The following PPARD variants were observed in gnomAD, a reference collection of about 807,000 sequenced individuals.
The protein encoded by PPARD is peroxisome proliferator activated receptor delta, also known as peroxisome proliferator-activated receptor delta.
PPARD carries 6 observed loss-of-function variants against 39.5 expected under a neutral mutation model. That is an observed-to-expected ratio of 0.15 (90% CI 0.08 to 0.30). PPARD has a LOEUF of 0.30. Ranked by LOEUF, PPARD falls within the 10% of genes least tolerant of loss-of-function variation. The probability of loss-of-function intolerance (pLI) is 1.00; values close to 1 mark genes in which losing one functional copy is unlikely to be tolerated. For missense variants in PPARD, 397 were observed against 596.8 expected, an observed-to-expected ratio of 0.67 and a Z score of 3.49; for synonymous variants, 210 against 231.3, an observed-to-expected ratio of 0.91 and a Z score of 0.83.
At chr6:35,414,243 T>C (rs892403035) in intron 3 of PPARD, among the ~76,000 whole-genome samples, 3 of 152,126 alleles carry the variant, frequency 2.0e-5, no homozygotes, top group Non-Finnish European at 4.4e-5. Context: ...GGGGATCCCA[T>C]TGTTTAAAAT....
At chr6:35,379,977 G>T (rs1449949709) in intron 2 of PPARD, among the ~76,000 whole-genome samples, 1 of 152,220 alleles carries the variant, frequency 6.6e-6, no homozygotes, top group Non-Finnish European at 1.5e-5. Flanking sequence ...GGTTTGTCCT[G>T]TGGAGTCTCA....
intron 2 of PPARD, among the ~76,000 whole-genome samples, chr6:35,354,126 G>A (rs1562169492): frequency 6.6e-6 from 1 of 151,260 alleles, no homozygotes; most frequent in Non-Finnish European, 1.5e-5. Context: ...CAGCTACTTG[G>A]GAGGCTGAGG....
At chr6:35,378,427 A>G (rs1245766652) in intron 2 of PPARD, among the ~76,000 whole-genome samples, 1 of 152,156 alleles carries the variant, frequency 6.6e-6, no homozygotes, top group African/African-American at 2.4e-5. Context: ...GCTGGGACAC[A>G]AGGTAACAAT....
intron 2 of PPARD, among the ~76,000 whole-genome samples, chr6:35,409,629 G>A (rs537779409): frequency 1.1e-4 from 17 of 152,148 alleles, no homozygotes; most frequent in African/African-American, 1.9e-4. Context: ...TGTCACAGGC[G>A]TTTATTATAC....
chr6:35,366,002 A>T lies in PPARD; in HGVS notation c.-102+18852A>T, dbSNP rs1477474851. Among the ~76,000 whole-genome samples, 2 of 151,732 alleles carry T rather than the reference A, an allele frequency of 1.3e-5. No homozygotes were observed. The highest frequency in any genetic ancestry group is 2.9e-5 in the Non-Finnish European group (2 of 68,024). On this transcript the variant is annotated intron_variant, in intron 2 of 7. Coordinates refer to ENST00000360694, the MANE Select transcript of PPARD (RefSeq NM_006238.5). The surrounding 1 kb of genome is among the most constrained non-coding windows in gnomAD (Gnocchi z 4.6). ...CAGGGTGAGTGAGCGCTGGTATCTG[A>T]GTGGGCCTTGCAGGCCTGGCAGAAT...
intron 2 of PPARD, among the ~76,000 whole-genome samples, chr6:35,348,082 A>G (rs1760991006): frequency 6.6e-6 from 1 of 151,110 alleles, no homozygotes; most frequent in Non-Finnish European, 1.5e-5. Context: ...TAAATTTTGT[A>G]TTTTTAGTAG....
chr6:35,385,746 A>G (rs6922548), intron 2 of PPARD, among the ~76,000 whole-genome samples: 34,561 of 151,342 alleles, frequency 0.23, 8,730 homozygotes, highest in African/African-American at 0.63. Flanking sequence ...AACGCATTAT[A>G]AGGCCCCTGC....
chr6:35,372,540 G>A (rs1316539637), intron 2 of PPARD, among the ~76,000 whole-genome samples: 2 of 152,188 alleles, frequency 1.3e-5, no homozygotes, highest in Non-Finnish European at 2.9e-5. Context: ...CCTATACTTG[G>A]AGGATCCCAA....
chr6:35,377,855 C>T (rs1762901866), intron 2 of PPARD, among the ~76,000 whole-genome samples: 1 of 123,266 alleles, frequency 8.1e-6, no homozygotes, highest in South Asian at 2.4e-4. Context: ...CTGTGGGTCG[C>T]TGCTTGTTTA....
intron 3 of PPARD, 122 bp downstream of exon 3, chr6:35,411,339 A>G (rs1160975926): frequency 2.4e-6 from 3 of 1,236,180 alleles, no homozygotes; most frequent in Non-Finnish European, 3.1e-6. Flanking sequence ...GAAGGACTGG[A>G]GCCGGAAGCC....
chr6:35,353,044 A>C (rs1761356267), intron 2 of PPARD, among the ~76,000 whole-genome samples: 1 of 152,186 alleles, frequency 6.6e-6, no homozygotes, highest in South Asian at 2.1e-4. Context: ...CAGCATCCTT[A>C]TGTGAGGTAA....
At chr6:35,418,157 A>G (rs951307320) in intron 3 of PPARD, among the ~76,000 whole-genome samples, 3 of 152,222 alleles carry the variant, frequency 2.0e-5, no homozygotes, top group African/African-American at 7.2e-5. Context: ...TGCAGGCCAC[A>G]AAGACAAAAT....
chr6:35,372,325 C>T (rs558221583), intron 2 of PPARD, among the ~76,000 whole-genome samples: 23 of 152,152 alleles, frequency 1.5e-4, no homozygotes, highest in Non-Finnish European at 2.6e-4. Context: ...TTACAGGCTC[C>T]CGCCACCATG....
chr6:35,420,273 G>A lies in PPARD; in HGVS notation c.277G>A (p.Gly93Arg), dbSNP rs1766058418. Reference sequence around the variant, plus strand: ...CCACTACGGTGTTCATGCATGTGAGGGGTGCAAGGTACGGACTGGGGGGAG... The same window carrying A: ...CCACTACGGTGTTCATGCATGTGAGAGGTGCAAGGTACGGACTGGGGGGAG... ...GFHYGVHACE[G>R]CKGFFRRTIR... is the part of the protein sequence containing the mutation. Residue 93 changes from glycine (G) to arginine (R), a missense_variant, in exon 4 of 8, where the codon GGG (glycine) becomes AGG (arginine). Coordinates refer to ENST00000360694, the MANE Select transcript of PPARD (RefSeq NM_006238.5). 1 of 1,577,308 alleles carries A rather than the reference G, an allele frequency of 6.3e-7. No homozygotes were observed. The highest frequency in any genetic ancestry group is 8.6e-7 in the Non-Finnish European group (1 of 1,160,620).
chr6:35,412,777 C>T lies in PPARD; in HGVS notation c.130+1560C>T, dbSNP rs1019379344. Among the ~76,000 whole-genome samples, 1 of 152,284 alleles carries T rather than the reference C, an allele frequency of 6.6e-6. No homozygotes were observed. Among genetic ancestry groups the T allele is most frequent in the Non-Finnish European group, 1.5e-5 (1 of 68,024 alleles). On this transcript the variant is annotated intron_variant, in intron 3 of 7. Coordinates refer to ENST00000360694, the MANE Select transcript of PPARD (RefSeq NM_006238.5). The surrounding 1 kb of genome is among the most constrained non-coding windows in gnomAD (Gnocchi z 4.1). ...CAAAGTGAAGGTGTCCGCCATTCCC[C>T]GAGTAAGCAACTTCCTGTCTATTGG...
intron 2 of PPARD, among the ~76,000 whole-genome samples, chr6:35,376,550 G>A (rs1762824766): frequency 6.6e-6 from 1 of 152,034 alleles, no homozygotes. Flanking sequence ...TGAGACTTGG[G>A]TCCTGAATTA....
In PPARD at chr6:35,376,374, A is replaced by C. The variant is rs534153402; in HGVS notation, c.-102+29224A>C. ...TCTGTGTTCCTTTATCTGTTTAATC[A>C]TCCAAGTTTTCTTGTGTAGTTTCTT... is the stretch of plus-strand genomic sequence containing the variant. On this transcript the variant is annotated intron_variant, in intron 2 of 7. Transcript: ENST00000360694. Among the ~76,000 whole-genome samples, 6 of 151,804 alleles carry C rather than the reference A, an allele frequency of 4.0e-5. No individual in the cohort carries two copies. The South Asian group carries it at 1.2e-3, about 32-fold the overall frequency.
At position 35,424,236 on chromosome 6, in the gene PPARD, C is replaced by G; in HGVS notation, c.627+88C>G. The G allele has an allele frequency of 1.9e-6, 3 of 1,591,568 alleles. No individual in the cohort carries two copies. Among genetic ancestry groups the G allele is most frequent in the Non-Finnish European group, 1.7e-6 (2 of 1,167,428 alleles). On this transcript the variant is annotated intron_variant, in intron 6 of 7. Transcript: ENST00000360694. The surrounding 1 kb of genome is among the most constrained non-coding windows in gnomAD (Gnocchi z 7.1). ...TGACTCCGGGAGAGCCAGGCCTTCT[C>G]CCTCCCTCAACTTCATGGTGCAGGC...
At chr6:35,402,557 C>G (rs905731430) in intron 2 of PPARD, among the ~76,000 whole-genome samples, 1 of 152,168 alleles carries the variant, frequency 6.6e-6, no homozygotes, top group African/African-American at 2.4e-5. Flanking sequence ...AGGGGGCTGC[C>G]TCTTGGGGCA....
Sources: allele counts gnomAD v4.1 joint callset (sites outside exome capture counted in the v4.1 genomes callset), GRCh38; gene constraint gnomAD v4.1.1; non-coding constraint Gnocchi (gnomAD v3.1); transcripts MANE v1.5; gene names NCBI Gene and HGNC (gene_info 2026-07-23, HGNC 2026-07-21).